OTUD7B: variants seen among roughly 807,000 people sequenced by gnomAD.
OTUD7B encodes OTU deubiquitinase 7B.
Under a neutral mutation model 82.2 loss-of-function variants are expected in OTUD7B, and 34 were observed. The observed-to-expected ratio is 0.41, with a 90% CI of 0.31 to 0.55. The LOEUF (loss-of-function observed/expected upper bound fraction) is 0.55, where lower values mean the gene tolerates loss of function less well. OTUD7B is among the 20% of genes least tolerant of loss of function. The pLI, the probability that OTUD7B is intolerant of heterozygous loss-of-function variation, is 0.20. For missense variants in OTUD7B, 944 were observed against 1,062.1 expected, an observed-to-expected ratio of 0.89 and a Z score of 1.55; for synonymous variants, 398 against 402.7, an observed-to-expected ratio of 0.99 and a Z score of 0.14.
chr1:150,042,108 T>G, the OTUD7B span, among the ~76,000 whole-genome samples: 3 of 27,586 alleles, frequency 1.1e-4, no homozygotes, highest in African/African-American at 7.1e-4. Context: ...GTGCAGACCC[T>G]CCCTCCCTCC....
chr1:149,965,017 C>G lies in OTUD7B; in HGVS notation c.605-668G>C, dbSNP rs782346467. ...CAGCAATTCTCCTGCCTCAGCCTCC[C>G]TAGTAGCTGGGATTACAGGCATCTG... On this transcript the variant is annotated intron_variant, in intron 5 of 11. Transcript: ENST00000581312. Among the ~76,000 whole-genome samples the G allele has an allele frequency of 5.3e-5, 8 of 151,398 alleles. No homozygotes were observed. In the South Asian group the frequency reaches 1.7e-3, roughly 32 times the overall value.
At chr1:150,044,389 G>T in the OTUD7B span, among the ~76,000 whole-genome samples, 2 of 151,900 alleles carry the variant, frequency 1.3e-5, no homozygotes, top group East Asian at 3.9e-4. Context: ...TGTATTTTTA[G>T]TAGAGATGGG....
intron 1 of OTUD7B, among the ~76,000 whole-genome samples, chr1:149,995,150 A>G (rs1651843645): frequency 6.6e-6 from 1 of 152,220 alleles, no homozygotes; most frequent in African/African-American, 2.4e-5. Flanking sequence ...TTGTGCACCT[A>G]ATCCAAGTAC....
chr1:150,004,610 TTATATA>T lies in OTUD7B; in HGVS notation c.-67+5832_-67+5837del, dbSNP rs1336839022. ...ACATAAATAAATAAATAAATAAATT[TTATATA>T]TATATATAAACTTATAAGCCTAGCT... On this transcript the variant is annotated intron_variant, in intron 1 of 11. Transcript: ENST00000581312. Among the ~76,000 whole-genome samples, 17 of 149,836 alleles carry T rather than the reference TTATATA, an allele frequency of 1.1e-4. No individual in the cohort carries two copies. In the Admixed American group the frequency reaches 1.1e-3, roughly 10 times the overall value.
chr1:150,059,077 G>A, the OTUD7B span, among the ~76,000 whole-genome samples: 3 of 132,572 alleles, frequency 2.3e-5, no homozygotes, highest in Non-Finnish European at 3.1e-5. Flanking sequence ...TTTTTGTGAC[G>A]GAGTCTTACT....
chr1:150,037,436 A>T, the OTUD7B span, among the ~76,000 whole-genome samples: 1 of 152,202 alleles, frequency 6.6e-6, no homozygotes, highest in Non-Finnish European at 1.5e-5. Flanking sequence ...AAGTTGGCTA[A>T]TAAGTATCTA....
intron 1 of OTUD7B, among the ~76,000 whole-genome samples, chr1:149,998,151 C>T (rs1246822377): frequency 1.3e-5 from 2 of 152,074 alleles, no homozygotes; most frequent in African/African-American, 4.8e-5. Flanking sequence ...CCAAATTCCC[C>T]TTATCTCTCT....
Position 149,944,827 on chromosome 1 carries a change from A to C in OTUD7B, c.1562T>G (p.Met521Arg), listed in dbSNP as rs1647580416. The C allele has an allele frequency of 1.2e-6, 2 of 1,613,040 alleles. No homozygotes were observed. The highest frequency in any genetic ancestry group is 2.7e-5 in the African/African-American group (2 of 74,560). Reference protein sequence around the residue: ...KTLGSKLKKNMGGLMHSKGSK... With the variant: ...KTLGSKLKKNRGGLMHSKGSK... ...ACCCTTGCTGTGCATCAGGCCCCCCATGTTCTTCTTGAGCTTGCTGCCCAA... is the reference window on the plus strand; with the variant it reads ...ACCCTTGCTGTGCATCAGGCCCCCCCTGTTCTTCTTGAGCTTGCTGCCCAA... The change falls in exon 12 of 12, where the codon ATG (methionine) becomes AGG (arginine). Residue 521 changes from methionine (M) to arginine (R), a missense_variant. Physicochemically the swap from Met to Arg is moderately conservative, Grantham distance 91. Around this residue, in one of 3 missense-constraint regions of OTUD7B, gnomAD observed 412 missense variants for 418.7 expected, o/e 0.98. Transcript: ENST00000581312.
At chr1:150,027,169 A>G in the OTUD7B span, among the ~76,000 whole-genome samples, 2 of 152,306 alleles carry the variant, frequency 1.3e-5, no homozygotes, top group East Asian at 3.9e-4. Context: ...TCACCTACCG[A>G]ACCTAGCACC....
the OTUD7B span, among the ~76,000 whole-genome samples, chr1:150,034,361 A>G: frequency 1.3e-5 from 2 of 152,252 alleles, no homozygotes; most frequent in Non-Finnish European, 2.9e-5. Context: ...TATTAGGGTC[A>G]TAACCAGCAC....
At chr1:150,016,716 T>C in the OTUD7B span, among the ~76,000 whole-genome samples, 1 of 152,198 alleles carries the variant, frequency 6.6e-6, no homozygotes, top group African/African-American at 2.4e-5. Context: ...CCTCCCAAAG[T>C]GCTGAGATTA....
At chr1:150,042,120 TCCCTCCCTCCCTCC>T in the OTUD7B span, among the ~76,000 whole-genome samples, 1 of 15,992 alleles carries the variant, frequency 6.3e-5, no homozygotes, top group African/African-American at 2.2e-4. Context: ...CCTCCCTCCC[TCCCTCCCTCCCTCC>T]CTCCCTCCCT....
In OTUD7B at chr1:149,953,733, G is replaced by A. The variant is rs188871156; in HGVS notation, c.846-3512C>T. 3.4e-3 allele frequency among the ~76,000 whole-genome samples: 514 copies of A among 152,274 alleles called. 4 individuals carry two copies. Among genetic ancestry groups the A allele is most frequent in the African/African-American group, 0.012 (493 of 41,550 alleles). On this transcript the variant is annotated intron_variant, in intron 7 of 11. Transcript: ENST00000581312. The stretch of plus-strand genomic sequence containing the variant: ...TCCTCTTTTATTTCATTGAGCAGTG[G>A]TTTGTAGTTCTCCTTGAAGAGGTCC...
At chr1:149,989,384 A>T (rs2101895564) in intron 1 of OTUD7B, among the ~76,000 whole-genome samples, 1 of 150,718 alleles carries the variant, frequency 6.6e-6, no homozygotes, top group Non-Finnish European at 1.5e-5. Flanking sequence ...GAGGCAGGAG[A>T]ATTGCTTGAA....
chr1:150,021,988 T>C, the OTUD7B span, among the ~76,000 whole-genome samples: 1 of 151,462 alleles, frequency 6.6e-6, no homozygotes, highest in Admixed American at 6.5e-5. Flanking sequence ...ACTCTCCCTT[T>C]CTCTCTCTCC....
At chr1:149,973,486 G>A (rs2101845095) in intron 2 of OTUD7B, among the ~76,000 whole-genome samples, 2 of 152,272 alleles carry the variant, frequency 1.3e-5, no homozygotes, top group Middle Eastern at 3.4e-3. Context: ...TGTTGTTGTT[G>A]TTGTTATTGT....
At chr1:150,014,021 T>C (rs1287280533), upstream of OTUD7B, among the ~76,000 whole-genome samples, 12 of 128,456 alleles carry the variant, frequency 9.3e-5, no homozygotes, top group Non-Finnish European at 2.0e-4. Flanking sequence ...CACACACATA[T>C]ATACGTATAT....
intron 1 of OTUD7B, among the ~76,000 whole-genome samples, chr1:149,994,598 A>AG (rs1164853934): frequency 6.9e-6 from 1 of 144,344 alleles, no homozygotes; most frequent in Non-Finnish European, 1.5e-5. Context: ...AAAAAAAAAA[A>AG]AAAAAAAACC....
At chr1:150,065,849 G>GTTTCTTTTTTTTTTTTTTTTTT in the OTUD7B span, among the ~76,000 whole-genome samples, 19 of 151,620 alleles carry the variant, frequency 1.3e-4, no homozygotes, top group African/African-American at 3.9e-4. Context: ...TGTTCAAAAT[G>GTTTCTTTTTTTTTTTTTTTTTT]TTTATGTTCC....
Sources: gnomAD v4.1 joint callset for allele counts (sites outside exome capture counted in the v4.1 genomes callset) on GRCh38, gnomAD v4.1.1 for gene constraint, gnomAD v4.1.1 regional missense constraint, MANE v1.5 for transcripts, NCBI Gene and HGNC (gene_info 2026-07-23, HGNC 2026-07-21) for gene names.